Variants in TJAP1 observed in about 807,000 individuals in gnomAD.
The protein encoded by TJAP1 is tight junction associated protein 1, also known as tight junction-associated protein 1.
A neutral mutation model predicts 42.0 loss-of-function variants in TJAP1; 27 were observed. The observed-to-expected ratio is 0.64, with a 90% CI of 0.47 to 0.89. TJAP1 has a LOEUF of 0.89. TJAP1 is among the 40% of genes least tolerant of loss of function. TJAP1 has a pLI of 0.00. For missense variants in TJAP1, 712 were observed against 726.9 expected, an observed-to-expected ratio of 0.98 and a Z score of 0.24; for synonymous variants, 257 against 288.4, an observed-to-expected ratio of 0.89 and a Z score of 1.10.
intron 2 of TJAP1, among the ~76,000 whole-genome samples, chr6:43,479,757 G>A (rs1784926488): frequency 6.6e-6 from 1 of 152,166 alleles, no homozygotes; most frequent in South Asian, 2.1e-4. Flanking sequence ...GGATCACGAG[G>A]TCAAGAGATC....
At chr6:43,489,278 G>A (rs911501066) in intron 2 of TJAP1, among the ~76,000 whole-genome samples, 3 of 152,298 alleles carry the variant, frequency 2.0e-5, no homozygotes, top group East Asian at 1.9e-4. Context: ...TCTGTTGCTC[G>A]TGTTGCTTGT....
exon 11 of TJAP1, chr6:43,506,325 G>A (rs1443912948): frequency 6.5e-6 from 1 of 152,882 alleles, no homozygotes; most frequent in African/African-American, 2.4e-5. Flanking sequence ...TGCCCTCCAG[G>A]GGCCTGGCAC....
Position 43,505,583 on chromosome 6 carries a change from G to C in TJAP1, c.1402G>C (p.Glu468Gln). The C allele has an allele frequency of 6.2e-7, 1 of 1,613,710 alleles. No individual in the cohort carries two copies. The highest frequency in any genetic ancestry group is 1.1e-5 in the South Asian group (1 of 91,086). The change falls in exon 11 of 11, where the codon GAG becomes CAG. Residue 468 changes from glutamate (E) to glutamine (Q), a missense_variant. Glu to Gln is a conservative substitution (Grantham distance 29). Transcript: ENST00000372449. The surrounding 1 kb of genome is among the most constrained non-coding windows in gnomAD (Gnocchi z 5.5). ...ACCTTCTGCCCGACCCGAAGAGAGT[G>C]AGCTTTTGCTACCCACAGAACCTGA...
chr6:43,503,354 GGGCT>G, intron 8 of TJAP1, 43 bp from the exon 9 acceptor site: 1 of 1,481,106 alleles, frequency 6.8e-7, no homozygotes, highest in African/African-American at 1.4e-5. Context: ...GGGAGAGGAA[GGGCT>G]GGCTAGAGTG....
chr6:43,504,983 G>A, exon 11 of TJAP1: 1 of 1,614,098 alleles, frequency 6.2e-7, no homozygotes, highest in South Asian at 1.1e-5. Context: ...GGACATGAGT[G>A]AGGGTGTCCC....
Position 43,480,474 on chromosome 6 carries a change from C to T in TJAP1, c.-122+2242C>T, listed in dbSNP as rs544989128. Among the ~76,000 whole-genome samples, 5 of 152,144 alleles carry T rather than the reference C, an allele frequency of 3.3e-5. No homozygotes were observed. The South Asian group carries it at 6.2e-4, about 19-fold the overall frequency. ...TGGTGCTTATTGAGCACATTCTGTG[C>T]GTAGGACTGTTGTAAGGGCTTTTCA... On this transcript the variant is annotated intron_variant, in intron 2 of 10. Coordinates refer to ENST00000372449, the Ensembl canonical transcript of TJAP1.
chr6:43,483,870 C>G (rs1182230551), intron 2 of TJAP1, among the ~76,000 whole-genome samples: 2 of 151,958 alleles, frequency 1.3e-5, no homozygotes, highest in East Asian at 3.9e-4. Flanking sequence ...GCCAGACTGA[C>G]TGAGCAACAT....
chr6:43,484,268 G>C (rs990649965), intron 2 of TJAP1, among the ~76,000 whole-genome samples: 1 of 152,018 alleles, frequency 6.6e-6, no homozygotes, highest in African/African-American at 2.4e-5. Context: ...AGACCAGCCT[G>C]GCCAACATGG....
intron 4 of TJAP1, among the ~76,000 whole-genome samples, chr6:43,500,129 A>G (rs1035807651): frequency 6.6e-6 from 1 of 152,048 alleles, no homozygotes; most frequent in Non-Finnish European, 1.5e-5. Flanking sequence ...GCAGGGGCCT[A>G]CTCTGCTTTG....
At chr6:43,501,560 C>A (rs149220687) in exon 6 of TJAP1, 1 of 1,613,904 alleles carries the variant, frequency 6.2e-7, no homozygotes, top group Admixed American at 1.7e-5. Context: ...GCTTCGCCGG[C>A]GCCTGGCCTC....
At chr6:43,494,432 C>T (rs569862645) in intron 2 of TJAP1, among the ~76,000 whole-genome samples, 16 of 152,172 alleles carry the variant, frequency 1.1e-4, no homozygotes, top group Non-Finnish European at 2.1e-4. Context: ...CTCAACACTG[C>T]CTGCAGGTCC....
intron 2 of TJAP1, among the ~76,000 whole-genome samples, chr6:43,479,623 T>C (rs1784895762): frequency 6.6e-6 from 1 of 152,108 alleles, no homozygotes; most frequent in Admixed American, 6.6e-5. Context: ...CACCTGTGAA[T>C]ACCCATTGTA....
chr6:43,488,587 C>G (rs933584783), intron 2 of TJAP1, among the ~76,000 whole-genome samples: 1 of 152,154 alleles, frequency 6.6e-6, no homozygotes, highest in African/African-American at 2.4e-5. Context: ...TTTCTCAAAT[C>G]CTATATTAGT....
chr6:43,499,015 C>T (rs969461091), exon 4 of TJAP1: 1 of 1,614,016 alleles, frequency 6.2e-7, no homozygotes, highest in African/African-American at 1.3e-5. Flanking sequence ...ACTAGTGCCG[C>T]CCCTGCTAAG....
Position 43,477,640 on chromosome 6 carries a change from G to C in TJAP1, c.-268+12G>C, listed in dbSNP as rs1313369996. ...GGCAGCGGCGGAAAGTTTGTTGTGG[G>C]GTTGGAGTAGTCGGGCGGGGAAGCC... On this transcript the variant is annotated intron_variant, in intron 1 of 10. Coordinates refer to ENST00000372449, the Ensembl canonical transcript of TJAP1. 1 of 152,610 alleles carries C rather than the reference G, an allele frequency of 6.6e-6. No individual in the cohort carries two copies. Among genetic ancestry groups the C allele is most frequent in the East Asian group, 1.9e-4 (1 of 5,214 alleles). 9.5% of individuals were successfully genotyped at this position (152,610 alleles called of 1,614,324 possible).
intron 10 of TJAP1, chr6:43,503,945 GAGA>G: frequency 1.4e-6 from 1 of 694,928 alleles, no homozygotes; most frequent in East Asian, 2.8e-5. Context: ...GAGACAGAGA[GAGA>G]AGATCCTGGG....
At chr6:43,478,352 T>C (rs949262040) in intron 2 of TJAP1, 120 bp downstream of exon 2, 3 of 152,268 alleles carry the variant, frequency 2.0e-5, no homozygotes, top group Non-Finnish European at 2.9e-5. Flanking sequence ...ATAGAGTTTG[T>C]CCTTTGTCTG....
chr6:43,491,261 T>C lies in TJAP1; in HGVS notation c.-121-6620T>C, dbSNP rs1787753009. ...TTAAGAGACCAAAGTTGGTGGGGGA[T>C]ATCCATGTTGACCAGAAATATCTGT... On this transcript the variant is annotated intron_variant, in intron 2 of 10. Coordinates refer to ENST00000372449, the Ensembl canonical transcript of TJAP1. This position sits in a 1 kb window ranked among gnomAD's most constrained non-coding sequence, Gnocchi z 4.6. Among the ~76,000 whole-genome samples, 1 of 152,064 alleles carries C rather than the reference T, an allele frequency of 6.6e-6. No homozygotes were observed.
Position 43,502,076 on chromosome 6 carries a change from ACTCTCTCTCTCT to A in TJAP1, c.291-183_291-172del, listed in dbSNP as rs529451483. ...CACACACACACACACACACACACAC[ACTCTCTCTCTCT>A]CTCTCTCTCTCTCTCTCTCTCTCCT... On this transcript the variant is annotated intron_variant, in intron 6 of 10. Coordinates refer to ENST00000372449, the Ensembl canonical transcript of TJAP1. Among the ~76,000 whole-genome samples the A allele has an allele frequency of 2.2e-3, 150 of 68,956 alleles. 1 individual carries two copies. Among genetic ancestry groups the A allele is most frequent in the South Asian group, 5.1e-3 (10 of 1,952 alleles). The allele number at this position is 68,956 out of a possible 152,430, so 45.2% of individuals were successfully genotyped here. A position where few individuals can be genotyped will look rare whatever the true frequency, so the allele number is the denominator to read the frequency against.
Sources: allele counts gnomAD v4.1 joint callset (sites outside exome capture counted in the v4.1 genomes callset), GRCh38; gene constraint gnomAD v4.1.1; non-coding constraint Gnocchi (gnomAD v3.1); transcripts MANE v1.5; gene names NCBI Gene and HGNC (gene_info 2026-07-23, HGNC 2026-07-21).